The following EMILIN2 variants were observed in gnomAD, a reference collection of about 807,000 sequenced individuals.
EMILIN2 encodes the protein EMILIN-2.
EMILIN2 carries 71 observed loss-of-function variants against 87.1 expected under a neutral mutation model. The ratio of observed to expected loss-of-function variants is 0.82; its 90% CI spans 0.67 to 0.99. The LOEUF is 0.99. EMILIN2 is among the 50% of genes least tolerant of loss of function. The pLI, the probability that EMILIN2 is intolerant of heterozygous loss-of-function variation, is 0.00. For missense variants in EMILIN2, 1,407 were observed against 1,371.8 expected (o/e 1.03, Z -0.40); for synonymous variants, 581 against 563.4 (o/e 1.03, Z -0.44).
At chr18:2,904,766 C>T (rs1329446407) in intron 4 of EMILIN2, among the ~76,000 whole-genome samples, 1 of 152,130 alleles carries the variant, frequency 6.6e-6, no homozygotes, top group Non-Finnish European at 1.5e-5. Flanking sequence ...ACACAGGCGG[C>T]TTTCCTCATA....
At chr18:2,873,882 C>T (rs1054369317) in intron 2 of EMILIN2, among the ~76,000 whole-genome samples, 1 of 152,130 alleles carries the variant, frequency 6.6e-6, no homozygotes, top group East Asian at 1.9e-4. Context: ...GGCTTAGTGT[C>T]CTGCGGCCTC....
chr18:2,870,232 C>G (rs2076712976), intron 2 of EMILIN2, among the ~76,000 whole-genome samples: 1 of 152,032 alleles, frequency 6.6e-6, no homozygotes, highest in South Asian at 2.1e-4. Context: ...CAGACCCTGT[C>G]TCAAAAGAAA....
intron 4 of EMILIN2, among the ~76,000 whole-genome samples, chr18:2,893,676 C>T (rs774053067): frequency 3.3e-5 from 5 of 152,098 alleles, no homozygotes; most frequent in Non-Finnish European, 5.9e-5. Context: ...GGAGTCTGGG[C>T]GTGAAAGGAA....
intron 3 of EMILIN2, among the ~76,000 whole-genome samples, chr18:2,888,714 C>CAAAA (rs530260960): frequency 9.8e-5 from 8 of 81,944 alleles, no homozygotes; most frequent in South Asian, 4.3e-4. Context: ...GATTCTGTCT[C>CAAAA]AAAAAAAAAA....
At chr18:2,898,648 C>A (rs557682276) in intron 4 of EMILIN2, among the ~76,000 whole-genome samples, 2 of 152,180 alleles carry the variant, frequency 1.3e-5, no homozygotes, top group South Asian at 2.1e-4. Flanking sequence ...TTCATCATAG[C>A]GTTTCTTTTA....
chr18:2,862,731 C>T (rs1272035812), intron 2 of EMILIN2, among the ~76,000 whole-genome samples: 1 of 152,144 alleles, frequency 6.6e-6, no homozygotes, highest in Non-Finnish European at 1.5e-5. Flanking sequence ...TGATGCTGGC[C>T]TCATAAAATA....
rs1013309299 is a variant in EMILIN2 at position 2,857,556 on chromosome 18, G to A, written c.257+9625G>A. Among the ~76,000 whole-genome samples, 5 of 152,190 alleles carry A rather than the reference G, an allele frequency of 3.3e-5. No individual in the cohort carries two copies. The South Asian group carries it at 8.3e-4, about 25-fold the overall frequency. On this transcript the variant is annotated intron_variant, in intron 2 of 7. Coordinates refer to ENST00000254528, the MANE Select transcript of EMILIN2 (RefSeq NM_032048.3). ...AAGCTTTTGCACATATCTTGAAACGGAGGAGGAAAGCCGAGGGGGCGATTG... is the reference window on the plus strand; with the variant it reads ...AAGCTTTTGCACATATCTTGAAACGAAGGAGGAAAGCCGAGGGGGCGATTG...
chr18:2,913,060 C>T lies in EMILIN2; in HGVS notation c.2825-7C>T. 6.2e-7 allele frequency: 1 copy of T among 1,606,848 alleles called. No homozygotes were observed. The highest frequency in any genetic ancestry group is 8.5e-7 in the Non-Finnish European group (1 of 1,179,878). On this transcript the variant is annotated splice_polypyrimidine_tract_variant and splice_region_variant and intron_variant, in intron 7 of 7. Coordinates refer to ENST00000254528, the MANE Select transcript of EMILIN2 (RefSeq NM_032048.3). ...GGTGAGCACAGGGTTTGCCTTTCTC[C>T]CCGCAGGGGTCTTCACGGCTCCTTA...
Position 2,912,586 on chromosome 18 carries a change from C to G in EMILIN2, c.2825-481C>G, listed in dbSNP as rs147118737. Among the ~76,000 whole-genome samples the G allele has an allele frequency of 2.5e-3, 376 of 152,266 alleles. 4 individuals are homozygous for G. The highest frequency in any genetic ancestry group is 8.4e-3 in the African/African-American group (349 of 41,550). On this transcript the variant is annotated intron_variant, in intron 7 of 7. Coordinates refer to ENST00000254528, the MANE Select transcript of EMILIN2 (RefSeq NM_032048.3). ...CACCACTTCCTTTCCCACCCTGGGC[C>G]CAGAACGTGTGGGTCATGGGCTGAG...
rs754048001 is a variant in EMILIN2 at position 2,847,955 on chromosome 18, G to A, written c.257+24G>A. On this transcript the variant is annotated intron_variant, in intron 2 of 7. Coordinates refer to ENST00000254528, the MANE Select transcript of EMILIN2 (RefSeq NM_032048.3). This position sits in a 1 kb window ranked among gnomAD's most constrained non-coding sequence, Gnocchi z 4.5. ...GTGTAAGTCCTGGAGCCGGGGAGCG[G>A]GCGGGGCGCGCCCGGGCCGGGGCGG... 13 of 1,596,116 alleles carry A rather than the reference G, an allele frequency of 8.1e-6. 1 individual carries two copies. In the South Asian group the frequency reaches 1.2e-4, roughly 15 times the overall value.
chr18:2,872,184 T>C (rs1255167693), intron 2 of EMILIN2, among the ~76,000 whole-genome samples: 1 of 152,214 alleles, frequency 6.6e-6, no homozygotes, highest in Non-Finnish European at 1.5e-5. Flanking sequence ...GGGTACCACC[T>C]GGTAGGCATC....
rs879523337 is a variant in EMILIN2 at position 2,894,173 on chromosome 18, A to G, written c.2359+1687A>G. ...CATAAAACCCAAGGCAGCGTAGGCT[A>G]GAACGTGGGAAGCAGGCGAGCTCTG... On this transcript the variant is annotated intron_variant, in intron 4 of 7. Coordinates refer to ENST00000254528, the MANE Select transcript of EMILIN2 (RefSeq NM_032048.3). This position sits in a 1 kb window ranked among gnomAD's most constrained non-coding sequence, Gnocchi z 5.0. 2.6e-5 allele frequency among the ~76,000 whole-genome samples: 4 copies of G among 152,178 alleles called. No homozygotes were observed. The highest frequency in any genetic ancestry group is 5.9e-5 in the Non-Finnish European group (4 of 68,032).
chr18:2,889,907 G>A (rs1244506418), intron 3 of EMILIN2, among the ~76,000 whole-genome samples: 3 of 152,106 alleles, frequency 2.0e-5, no homozygotes, highest in African/African-American at 7.2e-5. Context: ...AGACACTGAT[G>A]AATAGTTGCT....
intron 2 of EMILIN2, among the ~76,000 whole-genome samples, chr18:2,865,852 C>A (rs1375837360): frequency 1.3e-5 from 2 of 152,216 alleles, no homozygotes; most frequent in African/African-American, 4.8e-5. Flanking sequence ...CTACGGTGGG[C>A]TCCAACCAGT....
At chr18:2,871,154 A>C (rs1257526355) in intron 2 of EMILIN2, among the ~76,000 whole-genome samples, 2 of 152,166 alleles carry the variant, frequency 1.3e-5, no homozygotes, top group Non-Finnish European at 2.9e-5. Context: ...AATTCAGTCC[A>C]GAACACTGTG....
intron 2 of EMILIN2, among the ~76,000 whole-genome samples, chr18:2,876,554 C>T (rs975958812): frequency 7.8e-6 from 1 of 128,956 alleles, no homozygotes; most frequent in Non-Finnish European, 1.7e-5. Flanking sequence ...ATCACAAGGT[C>T]AGGAGATCGA....
At chr18:2,912,996 G>A in intron 7 of EMILIN2, 71 bp from the exon 8 acceptor site, 29 of 1,515,448 alleles carry the variant, frequency 1.9e-5, no homozygotes, top group Non-Finnish European at 2.5e-5. Flanking sequence ...AATCACTGGG[G>A]GGCCACTTAC....
intron 7 of EMILIN2, 90 bp from the exon 8 acceptor site, chr18:2,912,977 G>A: frequency 7.3e-7 from 1 of 1,371,970 alleles, no homozygotes; most frequent in Non-Finnish European, 1.0e-6. Flanking sequence ...GGTCTCCCAG[G>A]CCCAGGTTAA....
Position 2,891,239 on chromosome 18 carries a change from A to G in EMILIN2, c.1112A>G (p.Glu371Gly). Reference protein sequence around the residue: ...SYLGVIELIGEKETSLRKEIN... With the variant: ...SYLGVIELIGGKETSLRKEIN... Reference sequence around the variant, plus strand: ...CTGGGAGTGATAGAGCTCATAGGGGAGAAGGAAACAAGCCTGAGAAAAGAA... The same window carrying G: ...CTGGGAGTGATAGAGCTCATAGGGGGGAAGGAAACAAGCCTGAGAAAAGAA... Residue 371 changes from glutamate (E) to glycine (G), a missense_variant, in exon 4 of 8, where the codon GAG becomes GGG. Transcript: ENST00000254528. The surrounding 1 kb of genome is among the most constrained non-coding windows in gnomAD (Gnocchi z 4.6). 1 of 1,614,208 alleles carries G rather than the reference A, an allele frequency of 6.2e-7. No individual in the cohort carries two copies. The highest frequency in any genetic ancestry group is 2.2e-5 in the East Asian group (1 of 44,882).
Sources: allele counts gnomAD v4.1 joint callset (sites outside exome capture counted in the v4.1 genomes callset), GRCh38; gene constraint gnomAD v4.1.1; non-coding constraint Gnocchi (gnomAD v3.1); transcripts MANE v1.5; gene names NCBI Gene and HGNC (gene_info 2026-07-23, HGNC 2026-07-21).